Variants in ZNF331 observed in about 807,000 individuals in gnomAD.
ZNF331 encodes the protein C2H2-like zinc finger protein rearranged in thyroid adenomas.
A neutral mutation model predicts 7.0 loss-of-function variants in ZNF331; 2 were observed. The ratio of observed to expected loss-of-function variants is 0.29; its 90% confidence interval spans 0.12 to 0.90. The LOEUF (loss-of-function observed/expected upper bound fraction) is 0.90. ZNF331 is among the 40% of genes least tolerant of loss of function. ZNF331 has a pLI of 0.58. For synonymous variants in ZNF331, 196 were observed against 205.4 expected (o/e 0.95, Z 0.39); for missense variants, 432 against 587.7 (o/e 0.74, Z 2.74).
intron 2 of ZNF331, among the ~76,000 whole-genome samples, chr19:53,525,452 T>A (rs553800242): frequency 6.6e-6 from 1 of 152,326 alleles, no homozygotes; most frequent in East Asian, 1.9e-4. Flanking sequence ...TTTGTAGTTC[T>A]CCTTGAAGAG....
At chr19:53,536,824 A>C (rs2087772455), upstream of ZNF331, among the ~76,000 whole-genome samples, 1 of 152,158 alleles carries the variant, frequency 6.6e-6, no homozygotes, top group Non-Finnish European at 1.5e-5. Flanking sequence ...AACCCCTTGA[A>C]CCCAGGAGGC....
chr19:53,539,727 C>T lies in ZNF331; in HGVS notation c.-138+445C>T, dbSNP rs1365854447. ...GTGTATCTGTCCCCCACCACCACCA[C>T]CCTAAGGAGATACTCTGTAATTTCA... On this transcript the variant is annotated intron_variant, in intron 2 of 5. Transcript: ENST00000449416. The surrounding 1 kb of genome is among the most constrained non-coding windows in gnomAD (Gnocchi z 6.1). Among the ~76,000 whole-genome samples, 1 of 152,136 alleles carries T rather than the reference C, an allele frequency of 6.6e-6. No individual in the cohort carries two copies. Among genetic ancestry groups the T allele is most frequent in the Non-Finnish European group, 1.5e-5 (1 of 68,032 alleles).
chr19:53,518,419 A>G (rs1043777373), upstream of ZNF331, among the ~76,000 whole-genome samples: 3 of 152,158 alleles, frequency 2.0e-5, no homozygotes, highest in Non-Finnish European at 4.4e-5. Flanking sequence ...CAGATGGCCT[A>G]TCATGGGACT....
chr19:53,570,288 G>T (rs904093132), intron 4 of ZNF331, among the ~76,000 whole-genome samples: 3 of 150,806 alleles, frequency 2.0e-5, no homozygotes, highest in Non-Finnish European at 4.4e-5. Context: ...CAGGAACGGG[G>T]GAAAGGCAGG....
intron 2 of ZNF331, among the ~76,000 whole-genome samples, chr19:53,524,410 T>A (rs2087212783): frequency 6.6e-6 from 1 of 152,194 alleles, no homozygotes. Context: ...TTTCTCCACA[T>A]CCTCTCTAGC....
intron 2 of ZNF331, among the ~76,000 whole-genome samples, chr19:53,547,928 G>T (rs938603990): frequency 1.3e-5 from 2 of 150,108 alleles, no homozygotes; most frequent in South Asian, 2.1e-4. Context: ...ATTTTTGTTT[G>T]TTTTTTTTTG....
chr19:53,517,525 C>T (rs528781269), upstream of ZNF331, among the ~76,000 whole-genome samples: 5 of 152,262 alleles, frequency 3.3e-5, no homozygotes, highest in Admixed American at 1.3e-4. Flanking sequence ...AAAGTTTCTA[C>T]CCACATCAAA....
chr19:53,566,525 C>G (rs967596481), intron 3 of ZNF331, among the ~76,000 whole-genome samples: 6 of 152,130 alleles, frequency 3.9e-5, no homozygotes, highest in African/African-American at 1.4e-4. Context: ...CAATCTGAAT[C>G]TTCTGGACTC....
chr19:53,541,354 C>T (rs531790427), intron 2 of ZNF331, among the ~76,000 whole-genome samples: 2 of 152,284 alleles, frequency 1.3e-5, no homozygotes, highest in South Asian at 4.1e-4. Context: ...GCTCTGCCTG[C>T]CTCGGCCTCC....
chr19:53,543,951 A>G (rs2088364117), intron 2 of ZNF331, among the ~76,000 whole-genome samples: 1 of 152,070 alleles, frequency 6.6e-6, no homozygotes, highest in Admixed American at 6.5e-5. Context: ...TTCTCAAGCC[A>G]GACGCGGTGG....
At chr19:53,554,208 C>T (rs866269222) in intron 2 of ZNF331, among the ~76,000 whole-genome samples, 11 of 152,194 alleles carry the variant, frequency 7.2e-5, no homozygotes, top group African/African-American at 1.9e-4. Context: ...CCTGTGGCTT[C>T]GGGAGAGGCC....
rs1200901599 is a variant in ZNF331, at chr19:53,558,379, G to A, written c.-74+2471G>A. On this transcript the variant is annotated intron_variant, in intron 3 of 5. Transcript: ENST00000449416. The surrounding 1 kb of genome is among the most constrained non-coding windows in gnomAD (Gnocchi z 4.5). ...TGCGCCACCTTTTCAGAGTTCTTTT[G>A]TACCTTCCTAGCAGCCACCTCCTGT... Among the ~76,000 whole-genome samples the A allele has an allele frequency of 6.6e-6, 1 of 152,070 alleles. No homozygotes were observed. The highest frequency in any genetic ancestry group is 1.5e-5 in the Non-Finnish European group (1 of 68,016).
the ZNF331 span, among the ~76,000 whole-genome samples, chr19:53,509,685 G>C: frequency 6.6e-6 from 1 of 152,208 alleles, no homozygotes; most frequent in Admixed American, 6.5e-5. Flanking sequence ...CTAAGCCTCT[G>C]TGGTAGGGCT....
Position 53,560,762 on chromosome 19 carries a change from C to T in ZNF331, c.-74+4854C>T, listed in dbSNP as rs573473895. 4.6e-5 allele frequency among the ~76,000 whole-genome samples: 7 copies of T among 152,222 alleles called. No individual in the cohort carries two copies. The highest frequency in any genetic ancestry group is 1.9e-4 in the East Asian group (1 of 5,186). ...AGCCTGAAAAGACAAGTCCTTTTTC[C>T]GTCACACCACTCTGACCCTCCTCCT... On this transcript the variant is annotated intron_variant, in intron 3 of 5. Transcript: ENST00000449416. The surrounding 1 kb of genome is among the most constrained non-coding windows in gnomAD (Gnocchi z 4.3).
At position 53,578,142 on chromosome 19, in the gene ZNF331, G is replaced by A; in HGVS notation, c.*190G>A. The A allele has an allele frequency of 1.4e-6, 1 of 732,406 alleles. No individual in the cohort carries two copies. The highest frequency in any genetic ancestry group is 1.8e-5 in the African/African-American group (1 of 56,444). The allele number at this position is 732,406 out of a possible 1,614,324, so 45.4% of individuals were successfully genotyped here. ...CGCTGTCCGGCTCCAGCCGGCCGGG[G>A]ATGTGAGTCATCCCTTGGTCCAGCA... is the stretch of plus-strand genomic sequence containing the variant. On this transcript the variant is annotated 3_prime_UTR_variant, in exon 6 of 6. Coordinates refer to ENST00000449416, the MANE Select transcript of ZNF331 (RefSeq NM_001079906.2).
chr19:53,548,026 C>T (rs1214128935), intron 2 of ZNF331, among the ~76,000 whole-genome samples: 1 of 152,028 alleles, frequency 6.6e-6, no homozygotes, highest in Non-Finnish European at 1.5e-5. Flanking sequence ...ACCTCCTGGA[C>T]CCAAGCAATC....
intron 2 of ZNF331, among the ~76,000 whole-genome samples, chr19:53,550,853 T>C (rs2088956236): frequency 6.7e-6 from 1 of 149,128 alleles, no homozygotes; most frequent in Non-Finnish European, 1.5e-5. Flanking sequence ...CTTTTTTTTT[T>C]TTTTTCTTTT....
the ZNF331 span, among the ~76,000 whole-genome samples, chr19:53,506,705 AGAGGGT>A: frequency 1.3e-5 from 2 of 152,192 alleles, no homozygotes; most frequent in Non-Finnish European, 2.9e-5. Flanking sequence ...GAGGGCGGAA[AGAGGGT>A]CTTTTGTGCT....
Position 53,579,552 on chromosome 19 carries a change from A to G in ZNF331, c.*1600A>G, listed in dbSNP as rs143791909. On this transcript the variant is annotated 3_prime_UTR_variant, in exon 6 of 6. Coordinates refer to ENST00000449416, the MANE Select transcript of ZNF331 (RefSeq NM_001079906.2). Reference sequence around the variant, plus strand: ...GAATATTGTGTAATTTTAATAAATAATAACTATTGTTGTTTTTATGATCAT... The same window carrying G: ...GAATATTGTGTAATTTTAATAAATAGTAACTATTGTTGTTTTTATGATCAT... 8.4e-5 allele frequency: 17 copies of G among 203,574 alleles called. No individual in the cohort carries two copies. In the East Asian group the frequency reaches 1.2e-3, roughly 14 times the overall value. The allele number at this position is 203,574 out of a possible 1,614,324, so 12.6% of individuals were successfully genotyped here. A position where few individuals can be genotyped will look rare whatever the true frequency, so the allele number is the denominator to read the frequency against.
Sources: gnomAD v4.1 joint callset for allele counts (sites outside exome capture counted in the v4.1 genomes callset) on GRCh38, gnomAD v4.1.1 for gene constraint, Gnocchi (gnomAD v3.1) non-coding constraint, MANE v1.5 for transcripts, NCBI Gene and HGNC (gene_info 2026-07-23, HGNC 2026-07-21) for gene names.